Variants in ADAM7 observed in about 807,000 individuals in gnomAD.
The protein encoded by ADAM7 is disintegrin and metalloproteinase domain-containing protein 7.
In ADAM7, 97 loss-of-function variants were observed where a neutral mutation model predicts 102.9. That is an observed-to-expected ratio of 0.94 (90% CI 0.80 to 1.12). ADAM7 has a LOEUF of 1.12. Among genes scored for constraint, ADAM7 ranks in the 50% most tolerant of loss-of-function variants. ADAM7 has a pLI of 0.00. For missense variants in ADAM7, 991 were observed against 908.7 expected, an observed-to-expected ratio of 1.09 and a Z score of -1.16; for synonymous variants, 334 against 304.4, an observed-to-expected ratio of 1.10 and a Z score of -1.01.
intron 7 of ADAM7, among the ~76,000 whole-genome samples, chr8:24,472,866 A>G (rs1819651647): frequency 6.6e-6 from 1 of 152,058 alleles, no homozygotes; most frequent in African/African-American, 2.4e-5. Context: ...GCTTCTGACA[A>G]TGCTGATTAA....
At chr8:24,486,344 G>C (rs1202429195) in intron 10 of ADAM7, among the ~76,000 whole-genome samples, 1 of 152,174 alleles carries the variant, frequency 6.6e-6, no homozygotes, top group East Asian at 1.9e-4. Context: ...GCATGGATTT[G>C]ATATATCTGA....
intron 10 of ADAM7, among the ~76,000 whole-genome samples, chr8:24,485,764 C>A (rs950154719): frequency 6.6e-6 from 1 of 152,088 alleles, no homozygotes; most frequent in Non-Finnish European, 1.5e-5. Flanking sequence ...ATCAAGACAA[C>A]CTTTCAATTC....
intron 1 of ADAM7, 29 bp from the exon 2 acceptor site, chr8:24,442,444 G>T (rs758632805): frequency 1.1e-5 from 16 of 1,476,238 alleles, no homozygotes; most frequent in East Asian, 2.3e-5. Flanking sequence ...AATGTCAGAC[G>T]GATTTTTTCC....
At chr8:24,504,351 T>C (rs1451434751) in intron 20 of ADAM7, among the ~76,000 whole-genome samples, 1 of 151,734 alleles carries the variant, frequency 6.6e-6, no homozygotes, top group Non-Finnish European at 1.5e-5. Flanking sequence ...CTGGGCTACA[T>C]AGTGATACCC....
In ADAM7 at chr8:24,464,032, C is replaced by T. The variant is rs966011077; in HGVS notation, c.312+72C>T. On this transcript the variant is annotated intron_variant, in intron 4 of 21. Coordinates refer to ENST00000175238, the MANE Select transcript of ADAM7 (RefSeq NM_003817.4). ...CCTGATGTGATTTTGAAACCCTGTT[C>T]TAGCTGTACAAGCTGTTTCAGAAAG... 16 of 1,359,334 alleles carry T rather than the reference C, an allele frequency of 1.2e-5. No individual in the cohort carries two copies. The Admixed American group carries it at 2.6e-4, about 22-fold the overall frequency. 84.2% of individuals were successfully genotyped at this position (1,359,334 alleles called of 1,614,324 possible).
intron 11 of ADAM7, among the ~76,000 whole-genome samples, chr8:24,488,405 G>A (rs1820218750): frequency 6.6e-6 from 1 of 152,142 alleles, no homozygotes; most frequent in Admixed American, 6.5e-5. Context: ...AAGTTTCGTG[G>A]TGATCAATGC....
In ADAM7 at chr8:24,476,512, T is replaced by C. The variant is rs1016995032; in HGVS notation, c.705+8T>C. 6 of 1,599,810 alleles carry C rather than the reference T, an allele frequency of 3.8e-6. No homozygotes were observed. The highest frequency in any genetic ancestry group is 5.1e-6 in the Non-Finnish European group (6 of 1,168,980). On this transcript the variant is annotated splice_region_variant and intron_variant, in intron 8 of 21. Transcript: ENST00000175238. Reference sequence around the variant, plus strand: ...GTCAATTTTGTCAACATGGTAAGATTTGATACAGTTTTTGAATCAAGCCAA... The same window carrying C: ...GTCAATTTTGTCAACATGGTAAGATCTGATACAGTTTTTGAATCAAGCCAA...
chr8:24,502,820 A>G lies in ADAM7; in HGVS notation c.2208+1244A>G, dbSNP rs1002299349. On this transcript the variant is annotated intron_variant, in intron 20 of 21. Coordinates refer to ENST00000175238, the MANE Select transcript of ADAM7 (RefSeq NM_003817.4). ...CATGAATGCATAACACTAATTCTAC[A>G]TAAACTTTCCAGATAATTGGAAAGA... Among the ~76,000 whole-genome samples, 21 of 152,282 alleles carry G rather than the reference A, an allele frequency of 1.4e-4. 3 individuals carry two copies. Among genetic ancestry groups the G allele is most frequent in the Admixed American group, 1.0e-3 (16 of 15,284 alleles).
chr8:24,484,466 A>G (rs1236193743), intron 9 of ADAM7, among the ~76,000 whole-genome samples: 5 of 152,174 alleles, frequency 3.3e-5, no homozygotes, highest in East Asian at 1.9e-4. Flanking sequence ...AAGTAATCCA[A>G]GGAACAGTTC....
In ADAM7 at chr8:24,465,703, A is replaced by G; in HGVS notation, c.317A>G (p.His106Arg). The change falls in exon 5 of 22, where the codon CAT (histidine) becomes CGT (arginine). Residue 106 changes from histidine to arginine, a missense_variant. By Grantham distance (29) the His-to-Arg change is conservative (BLOSUM62 0). Transcript: ENST00000175238. ...AFTRHPQIMD[H>R]CFYQGSIVHE... ...TAGAGTCTTCTTCTATTTTAGGATC[A>G]TTGTTTTTACCAAGGATCCATAGTA... 1.3e-6 allele frequency: 2 copies of G among 1,598,840 alleles called. No homozygotes were observed. Among genetic ancestry groups the G allele is most frequent in the Non-Finnish European group, 1.7e-6 (2 of 1,172,390 alleles).
intron 2 of ADAM7, among the ~76,000 whole-genome samples, chr8:24,446,185 T>C (rs1206157551): frequency 6.6e-6 from 1 of 152,186 alleles, no homozygotes; most frequent in Admixed American, 6.6e-5. Context: ...AGAGAATTTT[T>C]AAGAAGCATG....
intron 3 of ADAM7, among the ~76,000 whole-genome samples, chr8:24,447,934 CA>C (rs1473986270): frequency 9.6e-6 from 1 of 103,942 alleles, no homozygotes; most frequent in African/African-American, 3.7e-5. Flanking sequence ...AAGTAAATAA[CA>C]AAACACACAC....
intron 20 of ADAM7, 152 bp from the exon 21 acceptor site, chr8:24,507,328 A>G: frequency 1.7e-6 from 1 of 596,846 alleles, no homozygotes. Context: ...TAAGCAATTT[A>G]CAAACTGTCT....
chr8:24,452,217 G>C (rs920140279), intron 3 of ADAM7, among the ~76,000 whole-genome samples: 6 of 151,028 alleles, frequency 4.0e-5, no homozygotes, highest in Admixed American at 2.6e-4. Flanking sequence ...TTAACTTTCT[G>C]TCTCGTTGAT....
intron 13 of ADAM7, among the ~76,000 whole-genome samples, chr8:24,491,480 G>A (rs965613565): frequency 1.3e-5 from 2 of 152,188 alleles, no homozygotes; most frequent in Admixed American, 6.5e-5. Context: ...GTGAAAGCAA[G>A]GGTATTTTTC....
intron 16 of ADAM7, among the ~76,000 whole-genome samples, chr8:24,498,664 A>G (rs1299872211): frequency 1.3e-5 from 2 of 151,716 alleles, no homozygotes; most frequent in Non-Finnish European, 3.0e-5. Flanking sequence ...AATTATAAAT[A>G]AAATGTAAAA....
chr8:24,474,605 C>A (rs1272422067), intron 7 of ADAM7, among the ~76,000 whole-genome samples: 1 of 151,972 alleles, frequency 6.6e-6, no homozygotes, highest in East Asian at 1.9e-4. Context: ...AAAAAAGCAG[C>A]AGAGGTCAGG....
At chr8:24,476,373 G>T in intron 7 of ADAM7, 60 bp from the exon 8 acceptor site, 2 of 1,283,728 alleles carry the variant, frequency 1.6e-6, no homozygotes, top group Non-Finnish European at 2.2e-6. Flanking sequence ...GAAGTATTTT[G>T]TTGAGCTTTT....
chr8:24,506,120 G>A (rs1258866319), intron 20 of ADAM7: 9 of 1,549,880 alleles, frequency 5.8e-6, no homozygotes, highest in Non-Finnish European at 7.0e-6. Context: ...TGGAAAGCCT[G>A]CCCACTAGTT....
Sources: gnomAD v4.1 joint callset for allele counts (sites outside exome capture counted in the v4.1 genomes callset) on GRCh38, gnomAD v4.1.1 for gene constraint, MANE v1.5 for transcripts, NCBI Gene and HGNC (gene_info 2026-07-23, HGNC 2026-07-21) for gene names.